The following SLC7A1 variants were observed in gnomAD, a reference collection of about 807,000 sequenced individuals.
SLC7A1 encodes the protein solute carrier family 7 member 1.
Under a neutral mutation model 53.9 loss-of-function variants are expected in SLC7A1, and 10 were observed. The observed-to-expected ratio is 0.19, with a 90% CI of 0.11 to 0.31. SLC7A1 has a LOEUF of 0.31. Among genes scored for constraint, SLC7A1 ranks in the 10% least tolerant of loss-of-function variants. SLC7A1 has a pLI of 1.00. For missense variants in SLC7A1, 525 were observed against 827.2 expected (o/e 0.63, Z 4.48); for synonymous variants, 342 against 338.7 (o/e 1.01, Z -0.11).
chr13:29,510,259 A>C lies in SLC7A1; in HGVS notation c.*4221T>G, dbSNP rs1453809618. 1 of 152,638 alleles carries C rather than the reference A, an allele frequency of 6.6e-6. No individual in the cohort carries two copies. The highest frequency in any genetic ancestry group is 1.5e-5 in the Non-Finnish European group (1 of 68,036). The allele number at this position is 152,638 out of a possible 1,614,324, so 9.5% of individuals were successfully genotyped here. A position where few individuals can be genotyped will look rare whatever the true frequency, so the allele number is the denominator to read the frequency against. On this transcript the variant is annotated 3_prime_UTR_variant, in exon 13 of 13. Coordinates refer to ENST00000380752, the MANE Select transcript of SLC7A1 (RefSeq NM_003045.5). ...CGAGAGCGTTGTGGCTCAGTGAAGCACTGGCACAGAAAGGCTGGACTCGAG... is the reference window on the plus strand; with the variant it reads ...CGAGAGCGTTGTGGCTCAGTGAAGCCCTGGCACAGAAAGGCTGGACTCGAG...
intron 2 of SLC7A1, among the ~76,000 whole-genome samples, chr13:29,542,442 C>T (rs1429421199): frequency 6.7e-6 from 1 of 148,526 alleles, no homozygotes; most frequent in Non-Finnish European, 1.5e-5. Context: ...GTGACAACAG[C>T]GAAATCTGTC....
chr13:29,526,183 C>T (rs1447585029), intron 5 of SLC7A1, among the ~76,000 whole-genome samples: 1 of 152,194 alleles, frequency 6.6e-6, no homozygotes, highest in African/African-American at 2.4e-5. Flanking sequence ...TCAAGAGCTA[C>T]CAACATGGCC....
At chr13:29,518,447 T>C (rs1469561336) in intron 9 of SLC7A1, among the ~76,000 whole-genome samples, 1 of 152,188 alleles carries the variant, frequency 6.6e-6, no homozygotes, top group African/African-American at 2.4e-5. Flanking sequence ...CCACCAGCTT[T>C]GAAACACAGA....
chr13:29,566,545 T>C (rs893640696), intron 1 of SLC7A1, among the ~76,000 whole-genome samples: 7 of 152,198 alleles, frequency 4.6e-5, no homozygotes, highest in African/African-American at 1.2e-4. Flanking sequence ...TTCCGTGTCA[T>C]GCCACTTATA....
At chr13:29,540,647 C>T (rs112961008) in intron 2 of SLC7A1, among the ~76,000 whole-genome samples, 1,669 of 152,316 alleles carry the variant, frequency 0.011, 13 homozygotes, top group South Asian at 0.024. Flanking sequence ...ATACGACACT[C>T]GGAAATGCCC....
In SLC7A1 at chr13:29,546,063, C is replaced by T. The variant is rs537991636; in HGVS notation, c.-15+7698G>A. On this transcript the variant is annotated intron_variant, in intron 2 of 12. Coordinates refer to ENST00000380752, the MANE Select transcript of SLC7A1 (RefSeq NM_003045.5). ...TCCTATCCTATTGGAGCCAGGGCTCCTCTGACACGTGCCTTTTCATCACAC... is the reference window on the plus strand; with the variant it reads ...TCCTATCCTATTGGAGCCAGGGCTCTTCTGACACGTGCCTTTTCATCACAC... 2.0e-5 allele frequency among the ~76,000 whole-genome samples: 3 copies of T among 152,320 alleles called. No individual in the cohort carries two copies. In the East Asian group the frequency reaches 5.8e-4, roughly 29 times the overall value.
chr13:29,511,443 CTCT>C lies in SLC7A1; in HGVS notation c.*3034_*3036del, dbSNP rs1294951478. ...TGGGGAAAATGCATCTATCACTGTC[CTCT>C]TGATTTGGAAAAATAAATCCGATGC... On this transcript the variant is annotated 3_prime_UTR_variant, in exon 13 of 13. Coordinates refer to ENST00000380752, the MANE Select transcript of SLC7A1 (RefSeq NM_003045.5). 1 of 152,230 alleles carries C rather than the reference CTCT, an allele frequency of 6.6e-6. No homozygotes were observed. The highest frequency in any genetic ancestry group is 1.5e-5 in the Non-Finnish European group (1 of 68,054). The allele number at this position is 152,230 out of a possible 1,614,324, so 9.4% of individuals were successfully genotyped here. A position where few individuals can be genotyped will look rare whatever the true frequency, so the allele number is the denominator to read the frequency against.
intron 1 of SLC7A1, among the ~76,000 whole-genome samples, chr13:29,578,289 T>A (rs1415176417): frequency 2.0e-5 from 3 of 150,560 alleles, no homozygotes; most frequent in African/African-American, 7.5e-5. Context: ...CAACTGAAGT[T>A]TTTTTTTTGT....
At chr13:29,593,103 G>A (rs1344704230) in intron 1 of SLC7A1, among the ~76,000 whole-genome samples, 1 of 152,160 alleles carries the variant, frequency 6.6e-6, no homozygotes, top group Non-Finnish European at 1.5e-5. Flanking sequence ...GCCCCAAGAA[G>A]ATACATCTTC....
chr13:29,532,451 T>C (rs1358982387), intron 4 of SLC7A1, among the ~76,000 whole-genome samples: 1 of 152,240 alleles, frequency 6.6e-6, no homozygotes, highest in Non-Finnish European at 1.5e-5. Context: ...TCCTGGCTGA[T>C]GAATGACAGT....
chr13:29,567,556 A>C (rs1756439), intron 1 of SLC7A1, among the ~76,000 whole-genome samples: 4,392 of 152,282 alleles, frequency 0.029, 212 homozygotes, highest in African/African-American at 0.1. Flanking sequence ...GGAATGCTCA[A>C]AGGGCTTGGC....
rs1298538006 is a variant in SLC7A1 at position 29,595,537 on chromosome 13, G to C, written c.-236C>G. ...GGGCGGGGCGGGGCGGGGGCGCGGC[G>C]CGCGGGGAGAGGAGTGGAGGCTGCG... On this transcript the variant is annotated 5_prime_UTR_variant, in exon 1 of 13. Coordinates refer to ENST00000380752, the MANE Select transcript of SLC7A1 (RefSeq NM_003045.5). The C allele has an allele frequency of 3.3e-5, 5 of 151,650 alleles. No individual in the cohort carries two copies. Among genetic ancestry groups the C allele is most frequent in the Non-Finnish European group, 7.4e-5 (5 of 67,746 alleles). 9.4% of individuals were successfully genotyped at this position (151,650 alleles called of 1,614,324 possible).
At chr13:29,523,589 C>A in intron 6 of SLC7A1, 101 bp from the exon 7 acceptor site, 1 of 863,724 alleles carries the variant, frequency 1.2e-6, no homozygotes, top group Admixed American at 2.1e-5. Flanking sequence ...ACCCACGTGA[C>A]CCTACGAGAA....
chr13:29,520,503 T>C (rs895002174), intron 8 of SLC7A1, among the ~76,000 whole-genome samples: 32 of 152,258 alleles, frequency 2.1e-4, no homozygotes, highest in Admixed American at 1.3e-3. Flanking sequence ...CTGTGTCCCT[T>C]GCCTTTAAAA....
At chr13:29,531,068 A>C (rs533293419) in intron 4 of SLC7A1, among the ~76,000 whole-genome samples, 1 of 152,296 alleles carries the variant, frequency 6.6e-6, no homozygotes, top group South Asian at 2.1e-4. Context: ...GCTCCCTCTC[A>C]CTAAAAGGAT....
chr13:29,565,509 T>C (rs1870932098), intron 1 of SLC7A1, among the ~76,000 whole-genome samples: 1 of 152,198 alleles, frequency 6.6e-6, no homozygotes, highest in African/African-American at 2.4e-5. Context: ...TAGGCCCACC[T>C]TCTCCAGGAC....
chr13:29,559,932 G>A (rs376125645), intron 1 of SLC7A1, among the ~76,000 whole-genome samples: 1 of 151,962 alleles, frequency 6.6e-6, no homozygotes, highest in African/African-American at 2.4e-5. Flanking sequence ...AGCCAGGATG[G>A]TCTCAATCTC....
Position 29,587,726 on chromosome 13 carries a change from A to C in SLC7A1, c.-115+7690T>G, listed in dbSNP as rs1485877252. The stretch of plus-strand genomic sequence containing the variant: ...CTTCCCCACCTGGAGGATATGCACC[A>C]CAAAGGCACCACCAAGGCTGGTTAA... On this transcript the variant is annotated intron_variant, in intron 1 of 12. Coordinates refer to ENST00000380752, the MANE Select transcript of SLC7A1 (RefSeq NM_003045.5). Among the ~76,000 whole-genome samples the C allele has an allele frequency of 3.3e-5, 5 of 152,344 alleles. No homozygotes were observed. The South Asian group carries it at 6.2e-4, about 19-fold the overall frequency.
chr13:29,560,325 C>G (rs58405006), intron 1 of SLC7A1, among the ~76,000 whole-genome samples: 2,654 of 152,072 alleles, frequency 0.017, 66 homozygotes, highest in African/African-American at 0.06. Flanking sequence ...ATGCCTTCTT[C>G]TGAAATACTT....
Sources: gnomAD v4.1 joint callset for allele counts (sites outside exome capture counted in the v4.1 genomes callset) on GRCh38, gnomAD v4.1.1 for gene constraint, MANE v1.5 for transcripts, NCBI Gene and HGNC (gene_info 2026-07-23, HGNC 2026-07-21) for gene names.